The following ING2 variants were observed in gnomAD, a reference collection of about 807,000 sequenced individuals.
ING2 encodes inhibitor of growth protein 2.
Under a neutral mutation model 30.6 loss-of-function variants are expected in ING2, and 7 were observed. The observed-to-expected ratio is 0.23, with a 90% CI of 0.13 to 0.43. The LOEUF (loss-of-function observed/expected upper bound fraction) is 0.43. Ranked by LOEUF, ING2 falls within the 20% of genes least tolerant of loss-of-function variation. The pLI is 1.00. For missense variants in ING2, 239 were observed against 334.9 expected, an observed-to-expected ratio of 0.71 and a Z score of 2.24; for synonymous variants, 136 against 121.7, an observed-to-expected ratio of 1.12 and a Z score of -0.78.
intron 1 of ING2, among the ~76,000 whole-genome samples, chr4:183,509,629 A>G (rs535555588): frequency 4.3e-4 from 65 of 151,496 alleles, no homozygotes; most frequent in Non-Finnish European, 7.2e-4. Context: ...TTGTATTTTT[A>G]GTAGAGACGG....
chr4:183,506,171 C>T, intron 1 of ING2: 3 of 1,286,976 alleles, frequency 2.3e-6, no homozygotes, highest in Admixed American at 2.3e-5. Flanking sequence ...GGGAGGGAGT[C>T]GGGGCTGTGC....
chr4:183,506,405 C>T, intron 1 of ING2: 1 of 951,402 alleles, frequency 1.1e-6, no homozygotes, highest in Non-Finnish European at 1.5e-6. Flanking sequence ...CCGAGCCCCT[C>T]CTTCTCCGAC....
At chr4:183,507,246 A>C (rs1387667800) in intron 1 of ING2, among the ~76,000 whole-genome samples, 5 of 152,244 alleles carry the variant, frequency 3.3e-5, no homozygotes, top group Admixed American at 2.6e-4. Flanking sequence ...GATTACAGGC[A>C]ACTGCCATCA....
At position 183,505,148 on chromosome 4, in the gene ING2, G is replaced by A. The variant is rs1356320096; in HGVS notation, c.-48G>A. On this transcript the variant is annotated 5_prime_UTR_variant, in exon 1 of 2. In the 5' UTR this introduces an upstream ATG that the reference lacks. Transcript: ENST00000302327. ...CCCGCGGCGGCCGCGGCCGGTGCAT[G>A]TGCGGCTGCTGGATGCGGAGGCGGC... 6.4e-7 allele frequency: 1 copy of A among 1,558,938 alleles called. No individual in the cohort carries two copies. Among genetic ancestry groups the A allele is most frequent in the South Asian group, 1.2e-5 (1 of 85,916 alleles).
At position 183,506,257 on chromosome 4, in the gene ING2, T is replaced by G. The variant is rs915698358; in HGVS notation, c.172+890T>G. 9 of 1,304,154 alleles carry G rather than the reference T, an allele frequency of 6.9e-6. No homozygotes were observed. In the African/African-American group the frequency reaches 1.4e-4, roughly 20 times the overall value. The allele number at this position is 1,304,154 out of a possible 1,614,324, so 80.8% of individuals were successfully genotyped here. ...TTTTGCGGTGATGTTTCCAACCTCT[T>G]TCCCAGTCAATGGATCAGGACGGCG... On this transcript the variant is annotated intron_variant, in intron 1 of 1. Coordinates refer to ENST00000302327, the MANE Select transcript of ING2 (RefSeq NM_001564.4).
intron 1 of ING2, chr4:183,506,268 T>C (rs1734644052): frequency 7.7e-7 from 1 of 1,304,278 alleles, no homozygotes; most frequent in South Asian, 1.2e-5. Flanking sequence ...TCCCAGTCAA[T>C]GGATCAGGAC....
At chr4:183,506,472 A>G (rs769249685) in intron 1 of ING2, among the ~76,000 whole-genome samples, 9 of 152,166 alleles carry the variant, frequency 5.9e-5, no homozygotes, top group Non-Finnish European at 1.3e-4. Flanking sequence ...CCGGGACAGA[A>G]TCGACCTTCC....
chr4:183,506,193 T>C (rs546757646), intron 1 of ING2: 1 of 1,298,910 alleles, frequency 7.7e-7, no homozygotes, highest in African/African-American at 1.5e-5. Context: ...GGGGCGTTGG[T>C]TCGGCCCCAG....
At chr4:183,508,354 T>A (rs1302668703) in intron 1 of ING2, among the ~76,000 whole-genome samples, 1 of 150,830 alleles carries the variant, frequency 6.6e-6, no homozygotes, top group Non-Finnish European at 1.5e-5. Context: ...GTTTGCCTCT[T>A]TTTTTTTTAA....
At position 183,505,380 on chromosome 4, in the gene ING2, G is replaced by A; in HGVS notation, c.172+13G>A. The A allele has an allele frequency of 6.6e-7, 1 of 1,515,714 alleles. No homozygotes were observed. Among genetic ancestry groups the A allele is most frequent in the Non-Finnish European group, 8.9e-7 (1 of 1,128,630 alleles). The allele number at this position is 1,515,714 out of a possible 1,614,324, so 93.9% of individuals were successfully genotyped here. Reference sequence around the variant, plus strand: ...AACAAATATCAAGGTAGGAGCCGCGGGGCTGCCGGCCTCGGGAGCCGGTGG... The same window carrying A: ...AACAAATATCAAGGTAGGAGCCGCGAGGCTGCCGGCCTCGGGAGCCGGTGG... On this transcript the variant is annotated intron_variant, in intron 1 of 1. Transcript: ENST00000302327.
intron 1 of ING2, among the ~76,000 whole-genome samples, chr4:183,509,166 TAAG>T (rs1163608012): frequency 6.6e-6 from 1 of 152,218 alleles, no homozygotes; most frequent in Non-Finnish European, 1.5e-5. Flanking sequence ...CCTTCTTTGT[TAAG>T]AATGTATGAT....
chr4:183,510,221 T>C, intron 1 of ING2, 61 bp from the exon 2 acceptor site: 1 of 1,198,378 alleles, frequency 8.3e-7, no homozygotes. Context: ...AATAACTACC[T>C]TGGAAATGTT....
At chr4:183,505,873 G>A (rs1195671737) in intron 1 of ING2, among the ~76,000 whole-genome samples, 1 of 152,064 alleles carries the variant, frequency 6.6e-6, no homozygotes, top group African/African-American at 2.4e-5. Flanking sequence ...GCCTTCCTCC[G>A]CGCTCCTGCC....
rs1335475624 is a variant in ING2, at chr4:183,505,185, G to C, written c.-11G>C. On this transcript the variant is annotated 5_prime_UTR_variant, in exon 1 of 2. Coordinates refer to ENST00000302327, the MANE Select transcript of ING2 (RefSeq NM_001564.4). ...GATGCGGAGGCGGCGGCGACGGCGC[G>C]GATCGGCAGGATGTTAGGGCAGCAG... The C allele has an allele frequency of 6.3e-7, 1 of 1,591,838 alleles. No homozygotes were observed. The highest frequency in any genetic ancestry group is 8.5e-7 in the Non-Finnish European group (1 of 1,171,394).
Position 183,505,288 on chromosome 4 carries a change from C to T in ING2, c.93C>T (p.Tyr31=), listed in dbSNP as rs760931507. The T allele has an allele frequency of 1.9e-5, 30 of 1,578,344 alleles. No homozygotes were observed. The highest frequency in any genetic ancestry group is 2.5e-5 in the Non-Finnish European group (29 of 1,163,428). Residue 31 remains tyrosine (Y), a synonymous_variant, in exon 1 of 2, where the codon TAC becomes TAT. Transcript: ENST00000302327. ...TGCTCACCTGCTACGTGCAGGACTA[C>T]CTTGAGTGCGTGGAGTCGCTGCCCC... The part of the protein sequence containing the change: ...SRLLTCYVQD[Y]LECVESLPHD...
chr4:183,507,282 G>C (rs1203199494), intron 1 of ING2, among the ~76,000 whole-genome samples: 4 of 152,174 alleles, frequency 2.6e-5, no homozygotes, highest in Non-Finnish European at 1.5e-5. Flanking sequence ...TGTATTTTTA[G>C]TAGAGACGGA....
At chr4:183,509,538 A>C (rs1257835792) in intron 1 of ING2, among the ~76,000 whole-genome samples, 7 of 134,118 alleles carry the variant, frequency 5.2e-5, no homozygotes, top group South Asian at 2.3e-4. Flanking sequence ...CTCCGCCTCC[A>C]GGGTTCTCGC....
rs1467134968 is a variant in ING2 at position 183,510,663 on chromosome 4, C to T, written c.554C>T (p.Ser185Leu). ...DQPPKEKKSK[S>L]AKKKKRSKAK... ...CCACCTAAAGAAAAGAAATCCAAGTCAGCAAAGAAAAAGAAACGCTCCAAG... is the reference window on the plus strand; with the variant it reads ...CCACCTAAAGAAAAGAAATCCAAGTTAGCAAAGAAAAAGAAACGCTCCAAG... The change falls in exon 2 of 2, where the codon TCA (serine) becomes TTA (leucine). Residue 185 changes from serine to leucine, a missense_variant. By Grantham distance (145) the Ser-to-Leu change is moderately radical. Coordinates refer to ENST00000302327, the MANE Select transcript of ING2 (RefSeq NM_001564.4). 4 of 1,614,088 alleles carry T rather than the reference C, an allele frequency of 2.5e-6. No homozygotes were observed. Among genetic ancestry groups the T allele is most frequent in the Non-Finnish European group, 3.4e-6 (4 of 1,180,012 alleles).
In ING2 at chr4:183,511,417, T is replaced by C. The variant is rs1734818891; in HGVS notation, c.*465T>C. ...GCTGCTTTTTCCCTAGTCCTATTTA[T>C]ACGTTGGCTTGTTCATCTCTAGTCT... On this transcript the variant is annotated 3_prime_UTR_variant, in exon 2 of 2. Coordinates refer to ENST00000302327, the MANE Select transcript of ING2 (RefSeq NM_001564.4). Among the ~76,000 whole-genome samples the C allele has an allele frequency of 6.6e-6, 1 of 152,242 alleles. No homozygotes were observed. Among genetic ancestry groups the C allele is most frequent in the African/African-American group, 2.4e-5 (1 of 41,466 alleles).
Sources: allele counts gnomAD v4.1 joint callset (sites outside exome capture counted in the v4.1 genomes callset), GRCh38; gene constraint gnomAD v4.1.1; transcripts MANE v1.5; gene names NCBI Gene and HGNC (gene_info 2026-07-23, HGNC 2026-07-21).